The following FRMD4B variants were observed in gnomAD, a reference collection of about 807,000 sequenced individuals.
FRMD4B encodes FERM domain containing 4B.
In FRMD4B, 74 loss-of-function variants were observed where a neutral mutation model predicts 141.5. The observed-to-expected ratio is 0.52, with a 90% CI of 0.43 to 0.63. FRMD4B has a LOEUF of 0.63. Ranked by LOEUF, FRMD4B falls within the 30% of genes least tolerant of loss-of-function variation. The pLI is 0.00. For missense variants in FRMD4B, 1,366 were observed against 1,253.4 expected (o/e 1.09, Z -1.36); for synonymous variants, 506 against 467.9 (o/e 1.08, Z -1.05).
intron 7 of FRMD4B, among the ~76,000 whole-genome samples, chr3:69,234,882 C>T (rs898291927): frequency 6.6e-6 from 1 of 152,132 alleles, no homozygotes; most frequent in Non-Finnish European, 1.5e-5. Context: ...GGTGTGGTGG[C>T]TCATGCCTGT....
intron 1 of FRMD4B, among the ~76,000 whole-genome samples, chr3:69,525,852 T>C (rs1291287958): frequency 6.6e-6 from 1 of 150,674 alleles, no homozygotes; most frequent in Non-Finnish European, 1.5e-5. Context: ...AGAGATGGGG[T>C]TTTGCCATGT....
At chr3:69,462,941 A>C (rs1705728123) in intron 1 of FRMD4B, among the ~76,000 whole-genome samples, 1 of 152,158 alleles carries the variant, frequency 6.6e-6, no homozygotes, top group Admixed American at 6.5e-5. Flanking sequence ...TTTCTCATCT[A>C]TGATGCACTT....
chr3:69,379,947 C>T (rs940337143), intron 1 of FRMD4B, among the ~76,000 whole-genome samples: 4 of 152,198 alleles, frequency 2.6e-5, no homozygotes, highest in African/African-American at 7.2e-5. Flanking sequence ...CCTTTCTAGT[C>T]CAACTAATTT....
chr3:69,370,925 C>T (rs761957898), intron 1 of FRMD4B, among the ~76,000 whole-genome samples: 7 of 152,240 alleles, frequency 4.6e-5, no homozygotes, highest in Admixed American at 1.3e-4. Context: ...TTCTGAAGCA[C>T]ATTTTTGGTT....
chr3:69,376,434 C>T (rs1187200637), intron 1 of FRMD4B, among the ~76,000 whole-genome samples: 1 of 151,894 alleles, frequency 6.6e-6, no homozygotes, highest in Middle Eastern at 3.4e-3. Flanking sequence ...AAAGGCCTAG[C>T]ATATAGCAGC....
At chr3:69,356,054 G>A (rs1050662423) in intron 1 of FRMD4B, among the ~76,000 whole-genome samples, 2 of 151,974 alleles carry the variant, frequency 1.3e-5, no homozygotes, top group Non-Finnish European at 2.9e-5. Flanking sequence ...TTAGGAAACA[G>A]GATCCCCGCT....
At chr3:69,218,005 A>C (rs987582089) in intron 10 of FRMD4B, among the ~76,000 whole-genome samples, 2 of 152,188 alleles carry the variant, frequency 1.3e-5, no homozygotes, top group Admixed American at 6.5e-5. Flanking sequence ...AGCTGTTGAA[A>C]TAACGCTGGA....
intron 3 of FRMD4B, among the ~76,000 whole-genome samples, chr3:69,303,757 C>T (rs59648126): frequency 7.4e-4 from 113 of 151,762 alleles, no homozygotes; most frequent in Non-Finnish European, 1.4e-3. Context: ...TGGTGAAACC[C>T]GATTTCTACA....
At chr3:69,406,611 C>T (rs894180174) in intron 2 of FRMD4B, among the ~76,000 whole-genome samples, 1 of 152,344 alleles carries the variant, frequency 6.6e-6, no homozygotes, top group Non-Finnish European at 1.5e-5. Flanking sequence ...ATCTCCTCCT[C>T]AAAGGAAGCC....
intron 1 of FRMD4B, among the ~76,000 whole-genome samples, chr3:69,485,448 G>A (rs1211034488): frequency 6.6e-6 from 1 of 152,174 alleles, no homozygotes; most frequent in Non-Finnish European, 1.5e-5. Flanking sequence ...CCCAGGACTT[G>A]GGTGGCTGCA....
intron 2 of FRMD4B, among the ~76,000 whole-genome samples, chr3:69,432,369 C>T (rs1480491872): frequency 6.6e-6 from 1 of 152,062 alleles, no homozygotes; most frequent in Non-Finnish European, 1.5e-5. Context: ...TGGGAAAAGA[C>T]CTATAAAATG....
chr3:69,533,451 A>G (rs894763377), intron 1 of FRMD4B, among the ~76,000 whole-genome samples: 1 of 152,174 alleles, frequency 6.6e-6, no homozygotes, highest in African/African-American at 2.4e-5. Flanking sequence ...ATTGTGGGTC[A>G]TTGTGGTGAT....
intron 3 of FRMD4B, among the ~76,000 whole-genome samples, chr3:69,302,999 G>A (rs1199297563): frequency 3.9e-5 from 6 of 152,068 alleles, no homozygotes; most frequent in South Asian, 2.1e-4. Context: ...GCTTGAACCC[G>A]GGAGGCGGAG....
intron 1 of FRMD4B, among the ~76,000 whole-genome samples, chr3:69,318,371 A>G (rs900354314): frequency 3.9e-5 from 6 of 152,162 alleles, no homozygotes; most frequent in African/African-American, 1.2e-4. Context: ...AGACTCTCCA[A>G]ATGATGTCAT....
intron 1 of FRMD4B, among the ~76,000 whole-genome samples, chr3:69,448,754 A>T (rs1336805701): frequency 1.3e-5 from 2 of 152,256 alleles, no homozygotes; most frequent in African/African-American, 4.8e-5. Flanking sequence ...ACAATTTTGA[A>T]AAAATGCAAC....
At position 69,264,630 on chromosome 3, in the gene FRMD4B, T is replaced by C. The variant is rs566109366; in HGVS notation, c.502-14531A>G. On this transcript the variant is annotated intron_variant, in intron 5 of 22. Transcript: ENST00000398540. ...ACACTACACACAAAGAGGTGTTAGA[T>C]GTCAAAATATCATTTACTCTTCTGG... 8.1e-4 allele frequency among the ~76,000 whole-genome samples: 123 copies of C among 152,264 alleles called. 1 individual carries two copies. Among genetic ancestry groups the C allele is most frequent in the African/African-American group, 2.8e-3 (117 of 41,566 alleles).
At chr3:69,233,730 G>A (rs890719729) in intron 7 of FRMD4B, among the ~76,000 whole-genome samples, 1 of 152,132 alleles carries the variant, frequency 6.6e-6, no homozygotes, top group African/African-American at 2.4e-5. Flanking sequence ...AGTCATCACA[G>A]CCAAGAACTC....
At chr3:69,285,574 G>A (rs1700651321) in intron 5 of FRMD4B, among the ~76,000 whole-genome samples, 1 of 152,134 alleles carries the variant, frequency 6.6e-6, no homozygotes, top group Non-Finnish European at 1.5e-5. Context: ...CAGGCACAGT[G>A]GCTCATGCCT....
chr3:69,496,442 A>C (rs555744119), intron 1 of FRMD4B, among the ~76,000 whole-genome samples: 283 of 152,272 alleles, frequency 1.9e-3, no homozygotes, highest in African/African-American at 6.7e-3. Context: ...ACCCAAGTTC[A>C]TCCAATTAGG....
Sources: allele counts gnomAD v4.1 joint callset (sites outside exome capture counted in the v4.1 genomes callset), GRCh38; gene constraint gnomAD v4.1.1; transcripts MANE v1.5; gene names NCBI Gene and HGNC (gene_info 2026-07-23, HGNC 2026-07-21).